Variants in BEGAIN observed in about 807,000 individuals in gnomAD.
The protein encoded by BEGAIN is brain-enriched guanylate kinase-associated protein.
Under a neutral mutation model 35.8 loss-of-function variants are expected in BEGAIN, and 19 were observed. The observed-to-expected ratio is 0.53, with a 90% CI of 0.37 to 0.78. The LOEUF (loss-of-function observed/expected upper bound fraction) is 0.78, where lower values mean the gene tolerates loss of function less well. Ranked by LOEUF, BEGAIN falls within the 30% of genes least tolerant of loss-of-function variation. BEGAIN has a pLI of 0.00. For missense variants in BEGAIN, 795 were observed against 853.6 expected, an observed-to-expected ratio of 0.93 and a Z score of 0.85; for synonymous variants, 462 against 388.6, an observed-to-expected ratio of 1.19 and a Z score of -2.22.
In BEGAIN at chr14:100,538,200, C is replaced by A. The variant is rs553312951; in HGVS notation, c.1608G>T (p.Glu536Asp). The A allele has an allele frequency of 6.2e-5, 97 of 1,554,124 alleles. 1 individual carries two copies. In the South Asian group the frequency reaches 7.4e-4, roughly 12 times the overall value. Residue 536 changes from glutamate (E) to aspartate (D), a missense_variant, in exon 7 of 7, where the codon GAG (glutamate) becomes GAT (aspartate). Around this residue, in one of 3 missense-constraint regions of BEGAIN, gnomAD observed 664 missense variants for 647.7 expected, o/e 1.03. Coordinates refer to ENST00000554140, the MANE Select transcript of BEGAIN (RefSeq NM_001385089.1). ...ADPLPGYAPS[E>D]GGDGDRLGVQ... ...CCCCGAGCCTGTCCCCGTCCCCCCC[C>A]TCGCTGGGTGCATAGCCGGGCAGTG...
chr14:100,575,447 G>A (rs2035181974), intron 1 of BEGAIN, among the ~76,000 whole-genome samples: 1 of 152,192 alleles, frequency 6.6e-6, no homozygotes, highest in African/African-American at 2.4e-5. Flanking sequence ...GGAGACACTG[G>A]GGGGAGTGTG....
intron 2 of BEGAIN, among the ~76,000 whole-genome samples, chr14:100,554,277 G>A (rs1355411317): frequency 6.6e-6 from 1 of 152,196 alleles, no homozygotes; most frequent in Non-Finnish European, 1.5e-5. Flanking sequence ...GTGGGGCTGG[G>A]CTGCGGCTGT....
intron 6 of BEGAIN, chr14:100,540,156 C>T (rs1242522729): frequency 1.0e-5 from 3 of 288,878 alleles, no homozygotes; most frequent in Non-Finnish European, 1.9e-5. Flanking sequence ...TGCCCAGCCA[C>T]AGGCTCCTGC....
At chr14:100,561,219 G>C (rs921027106) in intron 2 of BEGAIN, among the ~76,000 whole-genome samples, 2 of 152,124 alleles carry the variant, frequency 1.3e-5, no homozygotes, top group African/African-American at 4.8e-5. Flanking sequence ...ACCCTCAGAG[G>C]GCCCCACGCT....
chr14:100,539,633 C>T (rs2031254269), intron 6 of BEGAIN, among the ~76,000 whole-genome samples: 1 of 152,002 alleles, frequency 6.6e-6, no homozygotes, highest in South Asian at 2.1e-4. Flanking sequence ...TGATTCAGGC[C>T]CCACTCAAGG....
At chr14:100,579,159 C>T (rs532525693) in intron 1 of BEGAIN, among the ~76,000 whole-genome samples, 38 of 152,344 alleles carry the variant, frequency 2.5e-4, no homozygotes, top group African/African-American at 8.4e-4. Context: ...CTGTGCCTGG[C>T]CTGCTTCTGG....
At position 100,568,582 on chromosome 14, in the gene BEGAIN, G is replaced by C; in HGVS notation, c.43-643C>G. 8.2e-7 allele frequency: 1 copy of C among 1,212,164 alleles called. No homozygotes were observed. The highest frequency in any genetic ancestry group is 1.6e-5 in the African/African-American group (1 of 63,782). 75.1% of individuals were successfully genotyped at this position (1,212,164 alleles called of 1,614,324 possible). A position where few individuals can be genotyped will look rare whatever the true frequency, so the allele number is the denominator to read the frequency against. ...CCGTGAGCGCCCGGCTCGCCGGCGG[G>C]GCTCCCTGCCTTGCTTGCGCAGACC... On this transcript the variant is annotated intron_variant, in intron 1 of 6. Transcript: ENST00000554140. This position sits in a 1 kb window ranked among gnomAD's most constrained non-coding sequence, Gnocchi z 7.5.
At chr14:100,544,478 C>T (rs74712658) in intron 4 of BEGAIN, among the ~76,000 whole-genome samples, 1,718 of 152,330 alleles carry the variant, frequency 0.011, 18 homozygotes, top group South Asian at 0.023. Context: ...CCTCTTCATC[C>T]TAGTGAGGGA....
At chr14:100,585,583 C>T (rs1201026163) in intron 1 of BEGAIN, among the ~76,000 whole-genome samples, 1 of 151,580 alleles carries the variant, frequency 6.6e-6, no homozygotes, top group African/African-American at 2.4e-5. Flanking sequence ...AGCAGGCGTT[C>T]CATAAATGGC....
rs1395182787 is a variant in BEGAIN at position 100,563,952 on chromosome 14, A to T, written c.71+3959T>A. On this transcript the variant is annotated intron_variant, in intron 2 of 6. Transcript: ENST00000554140. The surrounding 1 kb of genome is among the most constrained non-coding windows in gnomAD (Gnocchi z 4.2). ...TGAAGGAATCCAGGTATGAGGTCCC[A>T]AAGCAGGCAACATACAACCATCTCT... Among the ~76,000 whole-genome samples the T allele has an allele frequency of 6.6e-6, 1 of 152,224 alleles. No individual in the cohort carries two copies. Among genetic ancestry groups the T allele is most frequent in the African/African-American group, 2.4e-5 (1 of 41,458 alleles).
At chr14:100,574,798 C>T (rs1014748831) in intron 1 of BEGAIN, among the ~76,000 whole-genome samples, 2 of 152,156 alleles carry the variant, frequency 1.3e-5, no homozygotes, top group Non-Finnish European at 2.9e-5. Context: ...TTCAAGGTCA[C>T]TCAGCCGGAA....
intron 2 of BEGAIN, among the ~76,000 whole-genome samples, chr14:100,550,729 C>T (rs890614466): frequency 3.3e-5 from 5 of 152,330 alleles, no homozygotes; most frequent in East Asian, 1.9e-4. Flanking sequence ...TTGCACCTGC[C>T]AGCCCTCACT....
Position 100,538,862 on chromosome 14 carries a change from A to T in BEGAIN, c.946T>A (p.Ser316Thr). ...FPSYAGSLPT[S>T]SSYSSFSATS... The stretch of plus-strand genomic sequence containing the variant: ...GCGCTGAAGCTGGAGTAGGAGCTGG[A>T]CGTGGGCAGTGAGCCTGCGTAGCTG... Residue 316 changes from serine to threonine, a missense_variant, in exon 7 of 7, where the codon TCC (serine) becomes ACC (threonine). By Grantham distance (58) the Ser-to-Thr change is moderately conservative. Coordinates refer to ENST00000554140, the MANE Select transcript of BEGAIN (RefSeq NM_001385089.1). 1 of 1,607,778 alleles carries T rather than the reference A, an allele frequency of 6.2e-7. No homozygotes were observed. Among genetic ancestry groups the T allele is most frequent in the Non-Finnish European group, 8.5e-7 (1 of 1,178,448 alleles).
intron 4 of BEGAIN, 129 bp downstream of exon 4, chr14:100,544,871 C>T (rs1046162160): frequency 2.1e-6 from 2 of 934,816 alleles, no homozygotes; most frequent in South Asian, 1.4e-5. Context: ...CCACATGTTC[C>T]ATGGAGAAAG....
rs2032522005 is a variant in BEGAIN at position 100,546,734 on chromosome 14, G to A, written c.72-72C>T. On this transcript the variant is annotated intron_variant, in intron 2 of 6. Coordinates refer to ENST00000554140, the MANE Select transcript of BEGAIN (RefSeq NM_001385089.1). ...GGAAACTAAGGCCCGCAGGCCAGCC[G>A]GGGCGTGCCGCACTAACACGCGAGT... 3.4e-5 allele frequency: 48 copies of A among 1,417,060 alleles called. No individual in the cohort carries two copies. The South Asian group carries it at 6.4e-4, about 19-fold the overall frequency. 87.8% of individuals were successfully genotyped at this position (1,417,060 alleles called of 1,614,324 possible). A position where few individuals can be genotyped will look rare whatever the true frequency, so the allele number is the denominator to read the frequency against.
intron 2 of BEGAIN, among the ~76,000 whole-genome samples, chr14:100,553,703 C>T (rs746464018): frequency 4.6e-5 from 7 of 152,158 alleles, no homozygotes; most frequent in Admixed American, 1.3e-4. Flanking sequence ...TTCTCGGTTC[C>T]CCCTGCTGAA....
chr14:100,564,693 G>GC (rs1411604186), intron 2 of BEGAIN, among the ~76,000 whole-genome samples: 3 of 152,264 alleles, frequency 2.0e-5, no homozygotes, highest in Admixed American at 2.0e-4. Flanking sequence ...CTACCATGTG[G>GC]CCCCCCGGCC....
rs114610344 is a variant in BEGAIN at position 100,566,041 on chromosome 14, G to A, written c.71+1870C>T. 8.8e-3 allele frequency among the ~76,000 whole-genome samples: 1,337 copies of A among 152,340 alleles called. 19 individuals are homozygous for A. Among genetic ancestry groups the A allele is most frequent in the African/African-American group, 0.031 (1,276 of 41,584 alleles). ...GACACTGGCCAGAAGGGAAGATTCTGGAAAAGCCCTTCAGGCAACTCTGAG... is the reference window on the plus strand; with the variant it reads ...GACACTGGCCAGAAGGGAAGATTCTAGAAAAGCCCTTCAGGCAACTCTGAG... On this transcript the variant is annotated intron_variant, in intron 2 of 6. Transcript: ENST00000554140.
intron 2 of BEGAIN, among the ~76,000 whole-genome samples, chr14:100,560,906 G>C (rs1048168407): frequency 2.1e-4 from 32 of 152,276 alleles, no homozygotes; most frequent in African/African-American, 7.2e-4. Flanking sequence ...GTCCATCAGG[G>C]GATGGAGCAT....
Sources: gnomAD v4.1 joint callset for allele counts (sites outside exome capture counted in the v4.1 genomes callset) on GRCh38, gnomAD v4.1.1 for gene constraint, gnomAD v4.1.1 regional missense constraint, Gnocchi (gnomAD v3.1) non-coding constraint, MANE v1.5 for transcripts, NCBI Gene and HGNC (gene_info 2026-07-23, HGNC 2026-07-21) for gene names.